The following SPATA2 variants were observed in gnomAD, a reference collection of about 807,000 sequenced individuals.
SPATA2 encodes spermatogenesis associated 2, also known as spermatogenesis-associated protein 2.
A neutral mutation model predicts 35.4 loss-of-function variants in SPATA2; 8 were observed. That is an observed-to-expected ratio of 0.23 (90% confidence interval 0.13 to 0.41). The LOEUF (loss-of-function observed/expected upper bound fraction) is 0.41, where lower values mean the gene tolerates loss of function less well. SPATA2 is among the 10% of genes least tolerant of loss of function. The pLI is 1.00. For synonymous variants in SPATA2, 293 were observed against 300.9 expected (o/e 0.97, Z 0.27); for missense variants, 650 against 698.7 (o/e 0.93, Z 0.79).
Position 49,905,476 on chromosome 20 carries a change from G to C in SPATA2, c.*143C>G. ...GAGTCGCTAAGTGAACTCCCACGTGGACACAGCCAGCCCACGATCTCTGCC... is the reference window on the plus strand; with the variant it reads ...GAGTCGCTAAGTGAACTCCCACGTGCACACAGCCAGCCCACGATCTCTGCC... On this transcript the variant is annotated 3_prime_UTR_variant, in exon 3 of 3. Transcript: ENST00000289431. The C allele has an allele frequency of 1.2e-6, 1 of 868,148 alleles. No homozygotes were observed. Among genetic ancestry groups the C allele is most frequent in the Non-Finnish European group, 1.8e-6 (1 of 566,180 alleles). The allele number at this position is 868,148 out of a possible 1,614,324, so 53.8% of individuals were successfully genotyped here.
chr20:49,911,634 T>A (rs1158732622), intron 1 of SPATA2, among the ~76,000 whole-genome samples: 9 of 143,210 alleles, frequency 6.3e-5, no homozygotes, highest in African/African-American at 2.4e-4. Flanking sequence ...CCCATTGCAC[T>A]CCAGCCTGGG....
intron 1 of SPATA2, 89 bp downstream of exon 1, chr20:49,915,291 G>C (rs906516191): frequency 6.6e-6 from 1 of 152,390 alleles, no homozygotes; most frequent in Non-Finnish European, 1.5e-5. Flanking sequence ...CCCCGCTCCC[G>C]GGCCAGCCGA....
At chr20:49,914,683 T>C (rs954822225) in intron 1 of SPATA2, among the ~76,000 whole-genome samples, 1 of 152,118 alleles carries the variant, frequency 6.6e-6, no homozygotes, top group Non-Finnish European at 1.5e-5. Flanking sequence ...GCTTCCCTAG[T>C]GGCAGCTGCC....
Position 49,906,154 on chromosome 20 carries a change from G to C in SPATA2, c.1028C>G (p.Pro343Arg), listed in dbSNP as rs1230041378. Residue 343 changes from proline (P) to arginine (R), a missense_variant, in exon 3 of 3, where the codon CCC becomes CGC. Transcript: ENST00000289431. The surrounding 1 kb of genome is among the most constrained non-coding windows in gnomAD (Gnocchi z 8.2). ...ATCCTGCCGACGGTAGGTGGCCCTG[G>C]GTTCAGAGTCTGTGTACAGATCCAC... ...DDVDLYTDSE[P>R]RATYRRQDAL... 1 of 1,606,852 alleles carries C rather than the reference G, an allele frequency of 6.2e-7. No individual in the cohort carries two copies. Among genetic ancestry groups the C allele is most frequent in the Non-Finnish European group, 8.5e-7 (1 of 1,176,048 alleles).
chr20:49,906,062 G>T lies in SPATA2; in HGVS notation c.1120C>A (p.Pro374Thr). 4 of 1,606,888 alleles carry T rather than the reference G, an allele frequency of 2.5e-6. No homozygotes were observed. The highest frequency in any genetic ancestry group is 1.7e-6 in the Non-Finnish European group (2 of 1,179,388). Residue 374 changes from proline to threonine, a missense_variant, in exon 3 of 3, where the codon CCT (proline) becomes ACT (threonine). Transcript: ENST00000289431. The surrounding 1 kb of genome is among the most constrained non-coding windows in gnomAD (Gnocchi z 8.2). The stretch of plus-strand genomic sequence containing the variant: ...TTGGAGAGGGCGGACTCTTTGGCAG[G>T]GGGCGAGCGCTTGTGGTAGAGGGAG... ...AHSLYHKRSP[P>T]AKESALSKCQ...
chr20:49,908,107 C>A, intron 2 of SPATA2, 48 bp downstream of exon 2: 1 of 1,531,592 alleles, frequency 6.5e-7, no homozygotes, highest in Non-Finnish European at 8.8e-7. Flanking sequence ...CTGCCAGGGG[C>A]AGGAAGAGAG....
rs1477400115 is a variant in SPATA2, at chr20:49,903,673, T to C, written c.*1946A>G. On this transcript the variant is annotated 3_prime_UTR_variant, in exon 3 of 3. Coordinates refer to ENST00000289431, the MANE Select transcript of SPATA2 (RefSeq NM_006038.4). ...GCTTTTGTCCATAGGGTAAGTTACG[T>C]GGCATCACGGTTGGTTAGAAAGAGT... The C allele has an allele frequency of 6.6e-6, 1 of 152,102 alleles. No homozygotes were observed. The highest frequency in any genetic ancestry group is 1.9e-4 in the East Asian group (1 of 5,170). 9.4% of individuals were successfully genotyped at this position (152,102 alleles called of 1,614,324 possible).
rs1451481387 is a variant in SPATA2 at position 49,905,978 on chromosome 20, G to A, written c.1204C>T (p.Leu402Phe). The A allele has an allele frequency of 1.9e-6, 3 of 1,608,458 alleles. No individual in the cohort carries two copies. The Admixed American group carries it at 5.0e-5, about 27-fold the overall frequency. The change falls in exon 3 of 3, where the codon CTC (leucine) becomes TTC (phenylalanine). Residue 402 changes from leucine (L) to phenylalanine (F), a missense_variant. Leu to Phe is a conservative substitution (Grantham distance 22, BLOSUM62 0). Transcript: ENST00000289431. Reference protein sequence around the residue: ...SSLCQRCDSLLTCPPASKPSA... With the variant: ...SSLCQRCDSLFTCPPASKPSA... ...GGCTTGGAAGCTGGAGGACAGGTGA[G>A]CAGGCTGTCACAGCGCTGGCAGAGG...
intron 1 of SPATA2, among the ~76,000 whole-genome samples, chr20:49,908,954 C>T (rs900257207): frequency 2.0e-5 from 3 of 152,138 alleles, no homozygotes; most frequent in African/African-American, 7.2e-5. Context: ...GAAGGAGTCG[C>T]AGTAGAGGAA....
chr20:49,914,072 C>T (rs1275472436), intron 1 of SPATA2, among the ~76,000 whole-genome samples: 1 of 151,326 alleles, frequency 6.6e-6, no homozygotes, highest in Non-Finnish European at 1.5e-5. Context: ...AAAAACAGCA[C>T]TGTGAATATC....
At chr20:49,910,117 C>T (rs987443360) in intron 1 of SPATA2, among the ~76,000 whole-genome samples, 1 of 152,098 alleles carries the variant, frequency 6.6e-6, no homozygotes, top group Non-Finnish European at 1.5e-5. Flanking sequence ...ACGCTGGGAG[C>T]GAATCCGGAT....
rs1033990761 is a variant in SPATA2 at position 49,904,437 on chromosome 20, A to G, written c.*1182T>C. 6.6e-6 allele frequency: 1 copy of G among 152,614 alleles called. No homozygotes were observed. The highest frequency in any genetic ancestry group is 6.5e-5 in the Admixed American group (1 of 15,282). The allele number at this position is 152,614 out of a possible 1,614,324, so 9.5% of individuals were successfully genotyped here. On this transcript the variant is annotated 3_prime_UTR_variant, in exon 3 of 3. Coordinates refer to ENST00000289431, the MANE Select transcript of SPATA2 (RefSeq NM_006038.4). ...GATGGAGGGGCAGTAGGAATCCCAA[A>G]TGATTTTCCTTCTGAAACGAGACTC... is the stretch of plus-strand genomic sequence containing the variant.
chr20:49,906,253 T>A lies in SPATA2; in HGVS notation c.929A>T (p.Asp310Val). 4.5e-6 allele frequency: 7 copies of A among 1,569,682 alleles called. No individual in the cohort carries two copies. The highest frequency in any genetic ancestry group is 5.2e-6 in the Non-Finnish European group (6 of 1,156,454). The change falls in exon 3 of 3, where the codon GAT (aspartate) becomes GTT (valine). Residue 310 changes from aspartate (D) to valine (V), a missense_variant. By Grantham distance (152) the Asp-to-Val change is radical (BLOSUM62 -3). Coordinates refer to ENST00000289431, the MANE Select transcript of SPATA2 (RefSeq NM_006038.4). This position sits in a 1 kb window ranked among gnomAD's most constrained non-coding sequence, Gnocchi z 8.2. ...GCTGGGGGAGGCGGGTGGAAGCACA[T>A]CCGGGCTGCCGTGGGGGGAGCTGGC... ...TMASSPHGSP[D>V]VLPPASPSNG...
intron 1 of SPATA2, among the ~76,000 whole-genome samples, chr20:49,911,051 C>T (rs138881366): frequency 5.9e-5 from 9 of 152,056 alleles, no homozygotes; most frequent in African/African-American, 1.9e-4. Flanking sequence ...CCTGTCTTTA[C>T]AAAAGAAAAC....
At position 49,908,160 on chromosome 20, in the gene SPATA2, T is replaced by G; in HGVS notation, c.331A>C (p.Ile111Leu). ...LYPWKKEFRS[I>L]KTYTGPFVYY... ...AGGCTGCTCCAGGACCTCACCTTGATGCTTCTGAATTCCTTCTTCCACGGG... is the reference window on the plus strand; with the variant it reads ...AGGCTGCTCCAGGACCTCACCTTGAGGCTTCTGAATTCCTTCTTCCACGGG... Residue 111 changes from isoleucine (I) to leucine (L), a missense_variant, in exon 2 of 3, where the codon ATC (isoleucine) becomes CTC (leucine). By Grantham distance (5) the Ile-to-Leu change is conservative. Coordinates refer to ENST00000289431, the MANE Select transcript of SPATA2 (RefSeq NM_006038.4). The G allele has an allele frequency of 1.2e-6, 2 of 1,605,248 alleles. No individual in the cohort carries two copies.
chr20:49,912,231 A>T (rs895809423), intron 1 of SPATA2, among the ~76,000 whole-genome samples: 4 of 152,194 alleles, frequency 2.6e-5, no homozygotes, highest in Non-Finnish European at 4.4e-5. Context: ...AGGTGGGTGG[A>T]TCGCCTGAGA....
intron 1 of SPATA2, chr20:49,913,554 TC>T (rs1029526480): frequency 6.6e-6 from 1 of 152,164 alleles, no homozygotes; most frequent in Non-Finnish European, 1.5e-5. Context: ...ACGCCAAAAC[TC>T]CGACTCTTGC....
At position 49,908,030 on chromosome 20, in the gene SPATA2, C is replaced by T. The variant is rs548208347; in HGVS notation, c.336+125G>A. 1.0e-4 allele frequency: 101 copies of T among 975,194 alleles called. No individual in the cohort carries two copies. In the South Asian group the frequency reaches 1.5e-3, roughly 14 times the overall value. The allele number at this position is 975,194 out of a possible 1,614,324, so 60.4% of individuals were successfully genotyped here. A position where few individuals can be genotyped will look rare whatever the true frequency, so the allele number is the denominator to read the frequency against. On this transcript the variant is annotated intron_variant, in intron 2 of 2. Transcript: ENST00000289431. Reference sequence around the variant, plus strand: ...TGATGCTGGAGAGACGGGGAAGGTTCGGAGCCCGGAAGGATCTGAGAGCAC... The same window carrying T: ...TGATGCTGGAGAGACGGGGAAGGTTTGGAGCCCGGAAGGATCTGAGAGCAC...
rs775814966 is a variant in SPATA2, at chr20:49,906,850, AAGGG to A, written c.337-9_337-6del. The A allele has an allele frequency of 1.6e-5, 25 of 1,596,696 alleles. No homozygotes were observed. In the East Asian group the frequency reaches 5.6e-4, roughly 36 times the overall value. ...AACAAAAGGGCCCGTGTAGGTCTAGAAGGGAGGGAGTAGAAAAGAAAGGTGGGGT... is the reference window on the plus strand; with the variant it reads ...AACAAAAGGGCCCGTGTAGGTCTAGAAGGGAGTAGAAAAGAAAGGTGGGGT... On this transcript the variant is annotated splice_polypyrimidine_tract_variant and splice_region_variant and intron_variant, in intron 2 of 2. Transcript: ENST00000289431. This position sits in a 1 kb window ranked among gnomAD's most constrained non-coding sequence, Gnocchi z 8.2.
Sources: gnomAD v4.1 joint callset for allele counts (sites outside exome capture counted in the v4.1 genomes callset) on GRCh38, gnomAD v4.1.1 for gene constraint, Gnocchi (gnomAD v3.1) non-coding constraint, MANE v1.5 for transcripts, NCBI Gene and HGNC (gene_info 2026-07-23, HGNC 2026-07-21) for gene names.